The following USP32 variants were observed in gnomAD, a reference collection of about 807,000 sequenced individuals.
The protein encoded by USP32 is ubiquitin specific peptidase 32.
A neutral mutation model predicts 204.8 loss-of-function variants in USP32; 59 were observed. The ratio of observed to expected loss-of-function variants is 0.29; its 90% CI spans 0.23 to 0.36. The LOEUF is 0.36. USP32 is among the 10% of genes least tolerant of loss of function. The pLI is 1.00. For synonymous variants in USP32, 517 were observed against 678.4 expected, an observed-to-expected ratio of 0.76 and a Z score of 3.70; for missense variants, 1,160 against 1,946.4, an observed-to-expected ratio of 0.60 and a Z score of 7.60.
chr17:60,397,382 A>G (rs748515925), intron 1 of USP32, among the ~76,000 whole-genome samples: 4 of 152,144 alleles, frequency 2.6e-5, no homozygotes, highest in Non-Finnish European at 5.9e-5. Flanking sequence ...GTTGTTTAAG[A>G]CACAGCGTCT....
intron 1 of USP32, among the ~76,000 whole-genome samples, chr17:60,379,058 A>G (rs1418281751): frequency 6.6e-6 from 1 of 152,176 alleles, no homozygotes; most frequent in African/African-American, 2.4e-5. Flanking sequence ...GTCTTTTACA[A>G]TAATCCTAGT....
At chr17:60,291,729 T>A (rs1014931666) in intron 4 of USP32, among the ~76,000 whole-genome samples, 2 of 152,148 alleles carry the variant, frequency 1.3e-5, no homozygotes, top group Admixed American at 1.3e-4. Context: ...CAAATACCAA[T>A]AGCCCATTTA....
chr17:60,233,751 A>C (rs1440644855), intron 12 of USP32, among the ~76,000 whole-genome samples: 1 of 152,142 alleles, frequency 6.6e-6, no homozygotes, highest in East Asian at 1.9e-4. Context: ...CCTTATTAAT[A>C]AGTTGCCATA....
At chr17:60,395,447 C>T (rs979171320), upstream of USP32, among the ~76,000 whole-genome samples, 2 of 152,186 alleles carry the variant, frequency 1.3e-5, no homozygotes, top group African/African-American at 4.8e-5. Flanking sequence ...AGATTAAAAC[C>T]TGCATTTTGG....
At chr17:60,188,215 A>C (rs1242420931) in intron 29 of USP32, among the ~76,000 whole-genome samples, 1 of 152,146 alleles carries the variant, frequency 6.6e-6, no homozygotes, top group African/African-American at 2.4e-5. Flanking sequence ...TTAATTTTCT[A>C]CTGAGGAATC....
chr17:60,247,138 G>C (rs1322659619), intron 11 of USP32, among the ~76,000 whole-genome samples: 1 of 151,894 alleles, frequency 6.6e-6, no homozygotes, highest in East Asian at 1.9e-4. Flanking sequence ...CCCCAATTTC[G>C]TCTAGTAGTT....
rs563434898 is a variant in USP32, at chr17:60,384,257, C to A, written c.58+7625G>T. On this transcript the variant is annotated intron_variant, in intron 1 of 33. Coordinates refer to ENST00000300896, the MANE Select transcript of USP32 (RefSeq NM_032582.4). Reference sequence around the variant, plus strand: ...AATGTAATCTCTCCAGACCCTTTCACGAGTCATCACCAAAAGGCAACCATA... The same window carrying A: ...AATGTAATCTCTCCAGACCCTTTCAAGAGTCATCACCAAAAGGCAACCATA... Among the ~76,000 whole-genome samples, 51 of 152,302 alleles carry A rather than the reference C, an allele frequency of 3.3e-4. 1 individual carries two copies. Among genetic ancestry groups the A allele is most frequent in the Middle Eastern group, 6.8e-3 (2 of 294 alleles).
At chr17:60,394,487 C>T (rs1055239362), upstream of USP32, among the ~76,000 whole-genome samples, 1 of 152,134 alleles carries the variant, frequency 6.6e-6, no homozygotes, top group Non-Finnish European at 1.5e-5. Context: ...AAAGACAGGA[C>T]TAGAGTTGCA....
chr17:60,359,512 G>GA (rs777487783), intron 1 of USP32, among the ~76,000 whole-genome samples: 2 of 152,144 alleles, frequency 1.3e-5, no homozygotes, highest in Non-Finnish European at 2.9e-5. Flanking sequence ...TAAGAACTCA[G>GA]AAAAAATGTT....
chr17:60,210,810 G>T (rs1472312117), intron 21 of USP32, among the ~76,000 whole-genome samples: 11 of 152,252 alleles, frequency 7.2e-5, no homozygotes, highest in Admixed American at 2.6e-4. Flanking sequence ...GTGTACCTTT[G>T]GTCTTTATCC....
At chr17:60,196,138 G>C (rs1313794368) in intron 27 of USP32, among the ~76,000 whole-genome samples, 1 of 152,042 alleles carries the variant, frequency 6.6e-6, no homozygotes. Context: ...GTGGTGGCAT[G>C]CACCTGTACT....
At chr17:60,291,537 A>ATGTGTGTGTGTGTG (rs58874239) in intron 4 of USP32, among the ~76,000 whole-genome samples, 2 of 145,336 alleles carry the variant, frequency 1.4e-5, no homozygotes, top group African/African-American at 2.5e-5. Flanking sequence ...CTGTGTGTGT[A>ATGTGTGTGTGTGTG]TGTGTGTGTG....
chr17:60,225,837 G>A (rs1218201758), intron 13 of USP32, among the ~76,000 whole-genome samples: 4 of 151,780 alleles, frequency 2.6e-5, no homozygotes, highest in Non-Finnish European at 1.5e-5. Context: ...GCCTGTAATC[G>A]CAGCTACTCA....
intron 2 of USP32, among the ~76,000 whole-genome samples, chr17:60,323,095 T>G (rs2088151397): frequency 6.6e-6 from 1 of 152,112 alleles, no homozygotes; most frequent in Non-Finnish European, 1.5e-5. Context: ...TGGCAGTTCC[T>G]CAAAAAGTTA....
chr17:60,345,669 T>A, intron 1 of USP32, 61 bp from the exon 2 acceptor site: 1 of 1,609,052 alleles, frequency 6.2e-7, no homozygotes, highest in South Asian at 1.1e-5. Flanking sequence ...GTCTCATAAT[T>A]TTTTTCAACC....
chr17:60,218,762 C>G (rs2085168698), intron 16 of USP32, among the ~76,000 whole-genome samples: 1 of 152,144 alleles, frequency 6.6e-6, no homozygotes, highest in Non-Finnish European at 1.5e-5. Flanking sequence ...CCACGCCCAG[C>G]TAATTTTTGT....
chr17:60,291,728 A>G (rs894622627), intron 4 of USP32, among the ~76,000 whole-genome samples: 1 of 152,172 alleles, frequency 6.6e-6, no homozygotes, highest in Admixed American at 6.6e-5. Context: ...TCAAATACCA[A>G]TAGCCCATTT....
At chr17:60,379,967 G>A (rs1295521017) in intron 1 of USP32, among the ~76,000 whole-genome samples, 2 of 152,078 alleles carry the variant, frequency 1.3e-5, no homozygotes, top group Non-Finnish European at 2.9e-5. Context: ...AGTTGGGAGA[G>A]TAAATTAATA....
rs761342227 is a variant in USP32 at position 60,402,246 on chromosome 17, C to CTTT, written c.106+19997_106+19999dup. 2.4e-4 allele frequency among the ~76,000 whole-genome samples: 28 copies of CTTT among 118,436 alleles called. 1 individual carries two copies. The highest frequency in any genetic ancestry group is 1.6e-3 in the East Asian group (7 of 4,316). The allele number at this position is 118,436 out of a possible 152,430, so 77.7% of individuals were successfully genotyped here. On this transcript the variant is annotated intron_variant, in intron 1 of 3. Coordinates refer to the USP32 transcript ENST00000588898. ...CCTCAATATTCCATCCCTCATTTAT[C>CTTT]TTTTTTTTTTTTTTTTTTTTTTAAT...
Sources: gnomAD v4.1 joint callset for allele counts (sites outside exome capture counted in the v4.1 genomes callset) on GRCh38, gnomAD v4.1.1 for gene constraint, MANE v1.5 for transcripts, NCBI Gene and HGNC (gene_info 2026-07-23, HGNC 2026-07-21) for gene names.